Variants in PHF20L1 observed in about 807,000 individuals in gnomAD.
PHF20L1 encodes PHD finger protein 20-like protein 1.
Under a neutral mutation model 125.5 loss-of-function variants are expected in PHF20L1, and 44 were observed. The ratio of observed to expected loss-of-function variants is 0.35; its 90% CI spans 0.28 to 0.45. PHF20L1 has a LOEUF of 0.45. PHF20L1 is among the 20% of genes least tolerant of loss of function. PHF20L1 has a pLI of 1.00. For missense variants in PHF20L1, 1,012 were observed against 1,217.2 expected (o/e 0.83, Z 2.51); for synonymous variants, 380 against 403.1 (o/e 0.94, Z 0.69).
intron 2 of PHF20L1, among the ~76,000 whole-genome samples, chr8:132,792,783 A>G (rs1181190354): frequency 6.6e-6 from 1 of 152,172 alleles, no homozygotes; most frequent in Non-Finnish European, 1.5e-5. Flanking sequence ...GCTATTTGCT[A>G]TCTCAAGAAA....
intron 4 of PHF20L1, among the ~76,000 whole-genome samples, chr8:132,797,275 T>C (rs980567522): frequency 1.5e-4 from 23 of 152,094 alleles, no homozygotes; most frequent in African/African-American, 5.5e-4. Context: ...ATCCGTTCAG[T>C]GTAAGAGCAA....
intron 14 of PHF20L1, among the ~76,000 whole-genome samples, chr8:132,829,317 C>T (rs6997016): frequency 0.46 from 70,202 of 151,884 alleles, 16,357 homozygotes; most frequent in South Asian, 0.52. Flanking sequence ...GTAACACTTA[C>T]AGCTAAGCGA....
intron 3 of PHF20L1, 21 bp downstream of exon 3, chr8:132,794,602 G>A (rs778087977): frequency 1.3e-6 from 2 of 1,581,920 alleles, no homozygotes; most frequent in Admixed American, 1.8e-5. Context: ...AGTTTTTTCT[G>A]TTTGCTAGTT....
intron 4 of PHF20L1, among the ~76,000 whole-genome samples, chr8:132,795,886 CTCTT>C (rs1441779213): frequency 2.0e-5 from 3 of 152,100 alleles, no homozygotes; most frequent in Non-Finnish European, 4.4e-5. Flanking sequence ...TGTGGTCTCT[CTCTT>C]CCTTCCTCTC....
intron 2 of PHF20L1, among the ~76,000 whole-genome samples, chr8:132,782,826 T>A (rs1483390653): frequency 1.3e-5 from 2 of 151,888 alleles, no homozygotes; most frequent in Non-Finnish European, 2.9e-5. Context: ...AGGCTGGTCT[T>A]GAACTCATGG....
At chr8:132,814,554 A>G (rs1176916041) in intron 9 of PHF20L1, 83 bp from the exon 10 acceptor site, 3 of 916,118 alleles carry the variant, frequency 3.3e-6, no homozygotes, top group Admixed American at 3.0e-5. Context: ...TGGATACTAA[A>G]GTTGCTTAAC....
At chr8:132,843,843 C>T (rs757371188) in intron 19 of PHF20L1, 126 of 984,938 alleles carry the variant, frequency 1.3e-4, no homozygotes, top group Non-Finnish European at 1.4e-4. Context: ...AGGAAGAGGC[C>T]AGTCTAAATT....
At chr8:132,827,502 A>G (rs1836309394) in intron 14 of PHF20L1, among the ~76,000 whole-genome samples, 1 of 152,072 alleles carries the variant, frequency 6.6e-6, no homozygotes, top group East Asian at 1.9e-4. Context: ...AGTAGCAGAC[A>G]CAGAATCTTA....
chr8:132,825,315 A>T lies in PHF20L1; in HGVS notation c.1688A>T (p.His563Leu). Residue 563 changes from histidine (H) to leucine (L), a missense_variant, in exon 14 of 21, where the codon CAC becomes CTC. By Grantham distance (99) the His-to-Leu change is moderately conservative. Around this residue, in one of 7 missense-constraint regions of PHF20L1, gnomAD observed 320 missense variants for 293.8 expected, o/e 1.09. Transcript: ENST00000395386. ...KERREKRDKD[H>L]YRPKQKKKKK... is the part of the protein sequence containing the mutation. ...AGAAGAGAGAAGAGAGACAAAGATC[A>T]CTACAGACCAAAACAGAAGAAGAAG... 1 of 1,509,694 alleles carries T rather than the reference A, an allele frequency of 6.6e-7. No homozygotes were observed. Among genetic ancestry groups the T allele is most frequent in the Non-Finnish European group, 9.1e-7 (1 of 1,093,188 alleles). The allele number at this position is 1,509,694 out of a possible 1,614,324, so 93.5% of individuals were successfully genotyped here.
In PHF20L1 at chr8:132,805,845, G is replaced by T. The variant is rs1290208415; in HGVS notation, c.847+1105G>T. ...TTCCATTTGTATATATTATTTTCATGCCTGTCTCTGATAAAGGATATACTT... is the reference window on the plus strand; with the variant it reads ...TTCCATTTGTATATATTATTTTCATTCCTGTCTCTGATAAAGGATATACTT... On this transcript the variant is annotated intron_variant, in intron 8 of 20. Coordinates refer to ENST00000395386, the MANE Select transcript of PHF20L1 (RefSeq NM_016018.5). 2.6e-5 allele frequency among the ~76,000 whole-genome samples: 4 copies of T among 152,028 alleles called. No individual in the cohort carries two copies. The South Asian group carries it at 6.2e-4, about 24-fold the overall frequency.
intron 6 of PHF20L1, 166 bp downstream of exon 6, chr8:132,799,338 C>A: frequency 2.0e-6 from 1 of 500,144 alleles, no homozygotes; most frequent in Non-Finnish European, 3.6e-6. Flanking sequence ...TTACCTGACA[C>A]TCTGTAGGCT....
At chr8:132,835,975 C>A (rs1287710740) in intron 15 of PHF20L1, among the ~76,000 whole-genome samples, 1 of 152,010 alleles carries the variant, frequency 6.6e-6, no homozygotes, top group Non-Finnish European at 1.5e-5. Flanking sequence ...AATAATAAAA[C>A]CCGTCCTCTT....
At chr8:132,778,062 T>C in intron 2 of PHF20L1, 151 bp downstream of exon 2, 1 of 576,920 alleles carries the variant, frequency 1.7e-6, no homozygotes, top group Non-Finnish European at 3.1e-6. Flanking sequence ...GTTTTCCTAC[T>C]CTTTAGGCTT....
In PHF20L1 at chr8:132,816,961, CACCTT is replaced by C; in HGVS notation, c.1261_1265del (p.Leu421HisfsTer3). On this transcript the variant is annotated frameshift_variant, in exon 11 of 21. Coordinates refer to ENST00000395386, the MANE Select transcript of PHF20L1 (RefSeq NM_016018.5). LOFTEE classifies it high-confidence loss of function. ...GGAGAAGAAGATCTCAGCGTTTAGC[CACCTT>C]ACCCATGCCTGATGATTCTGTAGAA... The C allele has an allele frequency of 6.2e-7, 1 of 1,612,010 alleles. No homozygotes were observed. The highest frequency in any genetic ancestry group is 8.5e-7 in the Non-Finnish European group (1 of 1,178,570).
Position 132,831,331 on chromosome 8 carries a change from G to GATTA in PHF20L1, c.1745-903_1745-902insTTAA, listed in dbSNP as rs1440383209. 7.9e-5 allele frequency among the ~76,000 whole-genome samples: 12 copies of GATTA among 151,356 alleles called. No individual in the cohort carries two copies. In the East Asian group the frequency reaches 2.3e-3, roughly 30 times the overall value. On this transcript the variant is annotated intron_variant, in intron 14 of 20. Transcript: ENST00000395386. ...ATGTGGCATGCACTCTTCAGCTTCA[G>GATTA]AGCCTTCCCACATGCCTGGAATCAC...
Position 132,776,355 on chromosome 8 carries a change from C to G in PHF20L1, c.-38+710C>G, listed in dbSNP as rs78194879. On this transcript the variant is annotated intron_variant, in intron 1 of 20. Coordinates refer to ENST00000395386, the MANE Select transcript of PHF20L1 (RefSeq NM_016018.5). The stretch of plus-strand genomic sequence containing the variant: ...CTTGTGAACTATCCCTTACTGAATT[C>G]TTCCTGTGACAGACAGCAGAAAAGG... Among the ~76,000 whole-genome samples the G allele has an allele frequency of 8.9e-3, 1,354 of 152,266 alleles. 39 individuals are homozygous for G. The highest frequency in any genetic ancestry group is 0.087 in the East Asian group (450 of 5,176).
chr8:132,799,174 T>C lies in PHF20L1; in HGVS notation c.507+2T>C, dbSNP rs748088068. ...TGTAACCAGTCTATGGGAAGTGAGG[T>C]AAGAGCCTTTTTTTTAAAAATTTTG... is the stretch of plus-strand genomic sequence containing the variant. On this transcript the variant is annotated splice_donor_variant, in intron 6 of 20. Transcript: ENST00000395386. LOFTEE classifies it high-confidence loss of function. The C allele has an allele frequency of 4.4e-6, 7 of 1,587,830 alleles. No individual in the cohort carries two copies. The South Asian group carries it at 5.7e-5, about 13-fold the overall frequency.
intron 9 of PHF20L1, chr8:132,811,796 A>G (rs944719339): frequency 2.9e-5 from 29 of 984,378 alleles, no homozygotes; most frequent in South Asian, 4.7e-5. Flanking sequence ...CTGTAAGACT[A>G]TAAGAACGCA....
At chr8:132,830,999 A>G (rs1250539966) in intron 14 of PHF20L1, among the ~76,000 whole-genome samples, 11 of 151,982 alleles carry the variant, frequency 7.2e-5, no homozygotes, top group Non-Finnish European at 1.3e-4. Flanking sequence ...CTTCCTTAAA[A>G]TCTTCCCCTT....
Sources: gnomAD v4.1 joint callset for allele counts (sites outside exome capture counted in the v4.1 genomes callset) on GRCh38, gnomAD v4.1.1 for gene constraint, gnomAD v4.1.1 regional missense constraint, MANE v1.5 for transcripts, NCBI Gene and HGNC (gene_info 2026-07-23, HGNC 2026-07-21) for gene names.